Variants in SNX30 observed in about 807,000 individuals in gnomAD.
The protein encoded by SNX30 is sorting nexin family member 30.
A neutral mutation model predicts 46.4 loss-of-function variants in SNX30; 24 were observed. The ratio of observed to expected loss-of-function variants is 0.52; its 90% confidence interval spans 0.37 to 0.73. The LOEUF (loss-of-function observed/expected upper bound fraction) is 0.73. Among genes scored for constraint, SNX30 ranks in the 30% least tolerant of loss-of-function variants. SNX30 has a pLI of 0.00. For synonymous variants in SNX30, 189 were observed against 211.5 expected (o/e 0.89, Z 0.92); for missense variants, 533 against 555.7 (o/e 0.96, Z 0.41).
At chr9:112,779,211 G>A (rs1192496323) in intron 1 of SNX30, among the ~76,000 whole-genome samples, 2 of 152,216 alleles carry the variant, frequency 1.3e-5, no homozygotes, top group Non-Finnish European at 2.9e-5. Context: ...CAATGTATTA[G>A]CGGGACATTT....
intron 4 of SNX30, among the ~76,000 whole-genome samples, chr9:112,834,915 A>C (rs1313633484): frequency 2.0e-5 from 3 of 151,378 alleles, no homozygotes; most frequent in Non-Finnish European, 2.9e-5. Context: ...GATCAAGAGC[A>C]AAAATGAAGG....
At chr9:112,774,844 C>CT (rs1279442088) in intron 1 of SNX30, among the ~76,000 whole-genome samples, 17,108 of 128,754 alleles carry the variant, frequency 0.13, 1,347 homozygotes, top group African/African-American at 0.16. Context: ...TATTTATATG[C>CT]TTTTTTTTTT....
intron 1 of SNX30, among the ~76,000 whole-genome samples, chr9:112,767,768 T>A (rs924850591): frequency 1.3e-5 from 2 of 151,972 alleles, no homozygotes; most frequent in African/African-American, 4.8e-5. Flanking sequence ...TTTTTTTATT[T>A]ATTTATTTAT....
chr9:112,832,880 CTATA>C (rs890603388), intron 4 of SNX30, among the ~76,000 whole-genome samples: 7 of 144,436 alleles, frequency 4.8e-5, no homozygotes, highest in Non-Finnish European at 9.1e-5. Context: ...TATAAAATAT[CTATA>C]TATATAAGGT....
intron 1 of SNX30, among the ~76,000 whole-genome samples, chr9:112,756,560 A>AAGC (rs1343577658): frequency 6.7e-6 from 1 of 148,978 alleles, no homozygotes; most frequent in Middle Eastern, 3.2e-3. Context: ...TCCAGGGTTC[A>AAGC]AGCGATTTTC....
rs1389612191 is a variant in SNX30, at chr9:112,874,480, G to A, written c.*5637G>A. On this transcript the variant is annotated 3_prime_UTR_variant, in exon 9 of 9. Coordinates refer to ENST00000374232, the MANE Select transcript of SNX30 (RefSeq NM_001012994.2). ...TCGGCTTTGGACATGTCCACATTAT[G>A]GACTGTCATCTTATTTTTAAAAGTC... The A allele has an allele frequency of 6.6e-6, 1 of 152,056 alleles. No individual in the cohort carries two copies. Among genetic ancestry groups the A allele is most frequent in the African/African-American group, 2.4e-5 (1 of 41,396 alleles). 9.4% of individuals were successfully genotyped at this position (152,056 alleles called of 1,614,324 possible).
intron 1 of SNX30, among the ~76,000 whole-genome samples, chr9:112,777,418 A>ATATTTATT (rs111364157): frequency 9.8e-4 from 147 of 150,658 alleles, no homozygotes; most frequent in Non-Finnish European, 1.7e-3. Flanking sequence ...CTTTTTAAAG[A>ATATTTATT]TATTTATTTA....
At chr9:112,837,969 C>T (rs1031281053) in intron 5 of SNX30, among the ~76,000 whole-genome samples, 4 of 143,178 alleles carry the variant, frequency 2.8e-5, no homozygotes, top group African/African-American at 7.9e-5. Context: ...TGGCTCACTG[C>T]AACCTCTGCC....
intron 1 of SNX30, among the ~76,000 whole-genome samples, chr9:112,762,293 G>T (rs566043380): frequency 2.6e-4 from 40 of 152,230 alleles, no homozygotes; most frequent in South Asian, 1.9e-3. Flanking sequence ...CTTGAGAAGG[G>T]GCACAGAGGC....
chr9:112,792,643 C>T (rs1280843939), intron 1 of SNX30, among the ~76,000 whole-genome samples: 1 of 152,130 alleles, frequency 6.6e-6, no homozygotes, highest in Non-Finnish European at 1.5e-5. Context: ...TCAGGCTGGT[C>T]TTGAGCTCCT....
chr9:112,817,656 A>G, intron 2 of SNX30, 49 bp from the exon 3 acceptor site: 5 of 1,110,978 alleles, frequency 4.5e-6, no homozygotes, highest in Non-Finnish European at 5.5e-6. Flanking sequence ...CCTTCAGCCA[A>G]GATATGCTAT....
chr9:112,850,950 G>A lies in SNX30; in HGVS notation c.1101+5G>A, dbSNP rs745817145. On this transcript the variant is annotated splice_donor_5th_base_variant and intron_variant, in intron 7 of 8. Coordinates refer to ENST00000374232, the MANE Select transcript of SNX30 (RefSeq NM_001012994.2). The stretch of plus-strand genomic sequence containing the variant: ...CGGAAGGAAGACCGCCCCAAGGTCA[G>A]GGAAGCCACCTGGGAAGGGCTGCAA... 1.9e-6 allele frequency: 3 copies of A among 1,613,382 alleles called. No homozygotes were observed. The South Asian group carries it at 3.3e-5, about 18-fold the overall frequency.
At chr9:112,839,748 A>G (rs1840825867) in intron 6 of SNX30, among the ~76,000 whole-genome samples, 1 of 152,226 alleles carries the variant, frequency 6.6e-6, no homozygotes, top group Admixed American at 6.5e-5. Flanking sequence ...TGAATGATTA[A>G]TCTGTCTTTG....
At chr9:112,816,909 A>C (rs1363635112) in intron 2 of SNX30, among the ~76,000 whole-genome samples, 1 of 152,182 alleles carries the variant, frequency 6.6e-6, no homozygotes, top group Non-Finnish European at 1.5e-5. Flanking sequence ...GTAAAAATCA[A>C]CTCAATTTTA....
At chr9:112,822,949 A>G (rs73552459) in intron 3 of SNX30, among the ~76,000 whole-genome samples, 7,577 of 152,278 alleles carry the variant, frequency 0.05, 640 homozygotes, top group African/African-American at 0.17. Flanking sequence ...AGAGAGAAAG[A>G]GAAAGGCCAA....
chr9:112,794,468 T>A (rs1377325315), intron 1 of SNX30, among the ~76,000 whole-genome samples: 1 of 152,140 alleles, frequency 6.6e-6, no homozygotes, highest in Non-Finnish European at 1.5e-5. Context: ...TCTTTAAGCA[T>A]CTGCTGTGTA....
At chr9:112,852,833 A>C (rs890905869) in intron 7 of SNX30, among the ~76,000 whole-genome samples, 1 of 152,222 alleles carries the variant, frequency 6.6e-6, no homozygotes, top group Non-Finnish European at 1.5e-5. Context: ...ATGGTTTGAC[A>C]TCAGAGCTGC....
intron 6 of SNX30, among the ~76,000 whole-genome samples, chr9:112,845,208 C>T (rs769106025): frequency 2.0e-5 from 3 of 152,058 alleles, no homozygotes; most frequent in Admixed American, 6.5e-5. Context: ...AGTCACAAGC[C>T]CACAGACAAG....
At chr9:112,815,153 A>G (rs10981510) in intron 2 of SNX30, among the ~76,000 whole-genome samples, 1 of 152,134 alleles carries the variant, frequency 6.6e-6, no homozygotes, top group South Asian at 2.1e-4. Context: ...TAAAATAAGT[A>G]TATAACCCGA....
Sources: allele counts gnomAD v4.1 joint callset (sites outside exome capture counted in the v4.1 genomes callset), GRCh38; gene constraint gnomAD v4.1.1; transcripts MANE v1.5; gene names NCBI Gene and HGNC (gene_info 2026-07-23, HGNC 2026-07-21).